The following CREM variants were observed in gnomAD, a reference collection of about 807,000 sequenced individuals.
The protein encoded by CREM is cAMP-responsive element modulator.
CREM carries 13 observed loss-of-function variants against 37.3 expected under a neutral mutation model. The observed-to-expected ratio is 0.35, with a 90% CI of 0.23 to 0.55. CREM has a LOEUF of 0.55. Ranked by LOEUF, CREM falls within the 20% of genes least tolerant of loss-of-function variation. The pLI, the probability that CREM is intolerant of heterozygous loss-of-function variation, is 0.88. For synonymous variants in CREM, 124 were observed against 120.2 expected (o/e 1.03, Z -0.21); for missense variants, 296 against 362.3 (o/e 0.82, Z 1.49).
At chr10:35,172,335 T>C (rs1221980952) in intron 3 of CREM, among the ~76,000 whole-genome samples, 7 of 152,068 alleles carry the variant, frequency 4.6e-5, no homozygotes, top group African/African-American at 1.4e-4. Flanking sequence ...GTTTTCAAAG[T>C]GTGGTGTGCA....
intron 1 of CREM, among the ~76,000 whole-genome samples, chr10:35,137,108 C>T (rs1338528269): frequency 6.6e-6 from 1 of 152,180 alleles, no homozygotes; most frequent in Non-Finnish European, 1.5e-5. Context: ...GCCACCATGT[C>T]TGGCTCAAAT....
At chr10:35,139,719 G>T (rs2091170646) in intron 2 of CREM, among the ~76,000 whole-genome samples, 1 of 152,132 alleles carries the variant, frequency 6.6e-6, no homozygotes, top group African/African-American at 2.4e-5. Context: ...CAGAAGGTGA[G>T]ATTTGGGAAA....
chr10:35,207,771 T>TAAGAAA (rs2095568996), intron 7 of CREM, among the ~76,000 whole-genome samples: 1 of 148,062 alleles, frequency 6.8e-6, no homozygotes, highest in South Asian at 2.1e-4. Context: ...GACTCCGTCT[T>TAAGAAA]AAAAAAAAAA....
In CREM at chr10:35,163,714, G is replaced by T. The variant is rs967417138; in HGVS notation, c.169-15175G>T. On this transcript the variant is annotated intron_variant, in intron 3 of 7. Transcript: ENST00000685392. ...TGGGCACCTGTAATCCCAGCTACTC[G>T]GGAGGCTGAGGCGGGAGATTCGCTT... 2.0e-5 allele frequency among the ~76,000 whole-genome samples: 3 copies of T among 151,998 alleles called. No homozygotes were observed. In the East Asian group the frequency reaches 5.8e-4, roughly 29 times the overall value.
chr10:35,188,540 T>C, intron 6 of CREM, 152 bp downstream of exon 6: 1 of 555,898 alleles, frequency 1.8e-6, no homozygotes, highest in Non-Finnish European at 2.9e-6. Flanking sequence ...AATATTTTAA[T>C]ACATTAAACA....
intron 5 of CREM, among the ~76,000 whole-genome samples, chr10:35,186,621 T>C (rs989049277): frequency 3.5e-5 from 5 of 144,836 alleles, no homozygotes; most frequent in African/African-American, 7.5e-5. Context: ...TATATATAAA[T>C]ATATAATATA....
At chr10:35,170,980 C>T (rs2093787092) in intron 3 of CREM, among the ~76,000 whole-genome samples, 1 of 151,880 alleles carries the variant, frequency 6.6e-6, no homozygotes, top group African/African-American at 2.4e-5. Flanking sequence ...GGTTCTCAGC[C>T]TTTATTTTAG....
intron 6 of CREM, among the ~76,000 whole-genome samples, chr10:35,206,660 G>A (rs781099901): frequency 5.9e-5 from 9 of 152,130 alleles, no homozygotes; most frequent in Non-Finnish European, 1.2e-4. Context: ...TGTCTAAAAT[G>A]CATTAGGATG....
chr10:35,167,821 T>C, intron 3 of CREM: 1 of 1,602,326 alleles, frequency 6.2e-7, no homozygotes, highest in Non-Finnish European at 8.6e-7. Flanking sequence ...ATGTCTGCTA[T>C]AAGTACCTTC....
At chr10:35,165,541 C>T (rs1349946395) in intron 3 of CREM, among the ~76,000 whole-genome samples, 2 of 152,038 alleles carry the variant, frequency 1.3e-5, no homozygotes, top group Non-Finnish European at 2.9e-5. Flanking sequence ...TAGAATCTTA[C>T]TGCAAATTCT....
At chr10:35,166,319 T>C (rs1372919664) in intron 3 of CREM, among the ~76,000 whole-genome samples, 1 of 151,976 alleles carries the variant, frequency 6.6e-6, no homozygotes, top group East Asian at 1.9e-4. Context: ...TCTCAGCACT[T>C]TGGGAGGCCA....
At chr10:35,187,764 C>T (rs536105055) in intron 5 of CREM, among the ~76,000 whole-genome samples, 2 of 152,192 alleles carry the variant, frequency 1.3e-5, no homozygotes, top group Non-Finnish European at 1.5e-5. Flanking sequence ...CTTGGCCTCC[C>T]AAAGTGCTGG....
At chr10:35,197,316 A>G (rs2134078653) in intron 6 of CREM, among the ~76,000 whole-genome samples, 1 of 152,102 alleles carries the variant, frequency 6.6e-6, no homozygotes, top group South Asian at 2.1e-4. Context: ...TTTTCACAAG[A>G]CCTGATTTTG....
intron 3 of CREM, among the ~76,000 whole-genome samples, chr10:35,177,978 T>C (rs1298223951): frequency 6.6e-6 from 1 of 152,188 alleles, no homozygotes; most frequent in Non-Finnish European, 1.5e-5. Context: ...GAGTCATATG[T>C]GGAGGTGAAT....
At chr10:35,210,555 A>C (rs933894481) in intron 7 of CREM, 1 of 152,304 alleles carries the variant, frequency 6.6e-6, no homozygotes, top group African/African-American at 2.4e-5. Context: ...TCTTTTTTAT[A>C]ATTTTAATTG....
At chr10:35,142,288 T>A (rs1207757040) in intron 2 of CREM, among the ~76,000 whole-genome samples, 1 of 152,124 alleles carries the variant, frequency 6.6e-6, no homozygotes, top group Admixed American at 6.6e-5. Context: ...GAGAGAATAA[T>A]TGATAGTATA....
rs140108419 is a variant in CREM, at chr10:35,184,220, A to T, written c.410-3980A>T. On this transcript the variant is annotated intron_variant, in intron 5 of 7. Coordinates refer to ENST00000685392, the MANE Select transcript of CREM (RefSeq NM_183011.2). The stretch of plus-strand genomic sequence containing the variant: ...TAAGACCAGCTAGACCAATATCAGG[A>T]TGTGGGGCAACACAGCAAGACCCCA... 1.5e-4 allele frequency among the ~76,000 whole-genome samples: 23 copies of T among 152,328 alleles called. No individual in the cohort carries two copies. The East Asian group carries it at 3.9e-3, about 26-fold the overall frequency.
intron 6 of CREM, among the ~76,000 whole-genome samples, chr10:35,203,955 T>A (rs1285109707): frequency 6.6e-6 from 1 of 152,096 alleles, no homozygotes; most frequent in Admixed American, 6.5e-5. Context: ...CATGTAAACT[T>A]CTCATTCGTC....
At chr10:35,209,510 ATG>A in intron 7 of CREM, 1 of 234,674 alleles carries the variant, frequency 4.3e-6, no homozygotes, top group Non-Finnish European at 7.0e-6. Flanking sequence ...CTCTAGTAAT[ATG>A]TGTGTCTGTG....
Sources: allele counts gnomAD v4.1 joint callset (sites outside exome capture counted in the v4.1 genomes callset), GRCh38; gene constraint gnomAD v4.1.1; transcripts MANE v1.5; gene names NCBI Gene and HGNC (gene_info 2026-07-23, HGNC 2026-07-21).